The following SUPT20H variants were observed in gnomAD, a reference collection of about 807,000 sequenced individuals.
SUPT20H encodes SPT20 homolog, SAGA complex component.
SUPT20H carries 82 observed loss-of-function variants against 122.8 expected under a neutral mutation model. That is an observed-to-expected ratio of 0.67 (90% confidence interval 0.56 to 0.80). The LOEUF (loss-of-function observed/expected upper bound fraction) is 0.80, where lower values mean the gene tolerates loss of function less well. Among genes scored for constraint, SUPT20H ranks in the 30% least tolerant of loss-of-function variants. SUPT20H has a pLI of 0.00. For missense variants in SUPT20H, 831 were observed against 921.6 expected (o/e 0.90, Z 1.27); for synonymous variants, 291 against 313.0 (o/e 0.93, Z 0.74).
At chr13:37,032,646 G>C (rs1056886370) in intron 10 of SUPT20H, among the ~76,000 whole-genome samples, 2 of 152,098 alleles carry the variant, frequency 1.3e-5, no homozygotes, top group African/African-American at 4.8e-5. Flanking sequence ...AAACTCCAAG[G>C]GGACCTAGTC....
intron 5 of SUPT20H, 61 bp downstream of exon 5, chr13:37,047,474 T>G: frequency 7.3e-7 from 1 of 1,367,328 alleles, no homozygotes; most frequent in Non-Finnish European, 9.6e-7. Context: ...CAAATGTAAC[T>G]CCTCCAAATT....
intron 13 of SUPT20H, 21 bp from the exon 14 acceptor site, chr13:37,028,326 C>G (rs1286330643): frequency 6.3e-7 from 1 of 1,593,462 alleles, no homozygotes; most frequent in African/African-American, 1.4e-5. Context: ...CATAGCACCT[C>G]AAATAAATAC....
chr13:37,023,005 CA>C (rs2061634227), intron 19 of SUPT20H: 3 of 1,268,784 alleles, frequency 2.4e-6, no homozygotes, highest in Non-Finnish European at 2.0e-6. Flanking sequence ...AAAGTAAAAC[CA>C]AAAGCTCTTG....
At chr13:37,046,957 T>C (rs1174511246) in intron 5 of SUPT20H, 1 of 152,150 alleles carries the variant, frequency 6.6e-6, no homozygotes, top group African/African-American at 2.4e-5. Flanking sequence ...CAAAAGCTCA[T>C]AGAGACGTTT....
chr13:37,030,047 A>G, intron 12 of SUPT20H, among the ~76,000 whole-genome samples: 1 of 152,198 alleles, frequency 6.6e-6, no homozygotes, highest in East Asian at 1.9e-4. Context: ...ATAAAACCAA[A>G]CCAAATAAAT....
intron 23 of SUPT20H, among the ~76,000 whole-genome samples, chr13:37,014,367 C>T (rs1197027234): frequency 6.6e-6 from 1 of 151,982 alleles, no homozygotes; most frequent in African/African-American, 2.4e-5. Context: ...ATATAGAAGA[C>T]CTGAATGATG....
chr13:37,019,430 T>G (rs190876202), intron 21 of SUPT20H, 33 bp from the exon 22 acceptor site: 2 of 1,481,938 alleles, frequency 1.3e-6, no homozygotes, highest in Admixed American at 2.1e-5. Flanking sequence ...ATAACAGAAT[T>G]GAAAGTTTAT....
intron 11 of SUPT20H, 50 bp from the exon 12 acceptor site, chr13:37,031,673 A>C (rs768815967): frequency 1.3e-6 from 2 of 1,541,112 alleles, no homozygotes; most frequent in Non-Finnish European, 1.7e-6. Context: ...ATATAAATAT[A>C]CTGAAAATGC....
intron 23 of SUPT20H, among the ~76,000 whole-genome samples, chr13:37,014,507 G>A (rs1449050762): frequency 1.3e-5 from 2 of 152,068 alleles, no homozygotes; most frequent in East Asian, 3.9e-4. Context: ...AAACTTAAAA[G>A]AACCAAAAAT....
At position 37,010,622 on chromosome 13, in the gene SUPT20H, G is replaced by C; in HGVS notation, c.2132C>G (p.Pro711Arg). 2.5e-6 allele frequency: 4 copies of C among 1,613,852 alleles called. No homozygotes were observed. Among genetic ancestry groups the C allele is most frequent in the Non-Finnish European group, 3.4e-6 (4 of 1,179,884 alleles). The change falls in exon 25 of 26, where the codon CCT (proline) becomes CGT (arginine). Residue 711 changes from proline (P) to arginine (R), a missense_variant. Physicochemically the swap from Pro to Arg is moderately radical, Grantham distance 103 (BLOSUM62 -2). Transcript: ENST00000350612. Reference protein sequence around the residue: ...LSQLGSAENRPEQSLPQQRFQ... With the variant: ...LSQLGSAENRREQSLPQQRFQ... ...TCTCTGCTGAGGAAGGCTTTGCTCA[G>C]GTCTGTTCTCGGCAGAGCCAAGCTG...
chr13:37,048,698 T>C (rs2066995100), intron 2 of SUPT20H, 99 bp from the exon 3 acceptor site: 1 of 1,063,102 alleles, frequency 9.4e-7, no homozygotes, highest in Non-Finnish European at 1.3e-6. Flanking sequence ...ACAGGTCTAA[T>C]ATATTTTCCT....
chr13:37,017,190 C>CA, intron 23 of SUPT20H, 55 bp downstream of exon 23: 1 of 1,611,924 alleles, frequency 6.2e-7, no homozygotes, highest in Non-Finnish European at 8.5e-7. Flanking sequence ...TGGAATATAC[C>CA]AAAAAATGTT....
intron 9 of SUPT20H, among the ~76,000 whole-genome samples, chr13:37,036,886 CACATA>C (rs1566257529): frequency 6.6e-6 from 1 of 152,064 alleles, no homozygotes; most frequent in African/African-American, 2.4e-5. Flanking sequence ...GAGCACAATA[CACATA>C]ACATACAAAA....
Position 37,024,424 on chromosome 13 carries a change from C to T in SUPT20H, c.1348G>A (p.Val450Ile), listed in dbSNP as rs2061862269. 1.3e-6 allele frequency: 2 copies of T among 1,566,126 alleles called. No homozygotes were observed. Among genetic ancestry groups the T allele is most frequent in the Admixed American group, 2.0e-5 (1 of 50,594 alleles). ...KETDQTETVS[V>I]QSSVLGKGVK... is the part of the protein sequence containing the mutation. The stretch of plus-strand genomic sequence containing the variant: ...CCCTTCCCCAATACCGAAGACTGAA[C>T]TGACACGGTTTCAGTTTGCTAAAAG... The change falls in exon 18 of 26, where the codon GTT becomes ATT. Residue 450 changes from valine (V) to isoleucine (I), a missense_variant. Physicochemically the swap from Val to Ile is conservative, Grantham distance 29. Transcript: ENST00000350612.
At chr13:37,038,155 G>C (rs796586924) in intron 9 of SUPT20H, 55 of 151,892 alleles carry the variant, frequency 3.6e-4, no homozygotes, top group African/African-American at 1.3e-3. Flanking sequence ...CAGTGGGTTT[G>C]ATCAGATTTC....
At chr13:37,020,131 T>A (rs188119565) in intron 21 of SUPT20H, among the ~76,000 whole-genome samples, 1 of 152,300 alleles carries the variant, frequency 6.6e-6, no homozygotes, top group East Asian at 1.9e-4. Flanking sequence ...GGTCTCAAGG[T>A]ATGTATATAT....
intron 16 of SUPT20H, chr13:37,025,697 A>G: frequency 3.0e-6 from 1 of 338,170 alleles, no homozygotes; most frequent in South Asian, 3.5e-5. Flanking sequence ...CAGAAATTAC[A>G]GGGATTACTT....
chr13:37,044,182 C>T lies in SUPT20H; in HGVS notation c.293-1G>A. ...TAGGGCAGTCGAATGGTCTCGGAAT[C>T]TTAATTTAAAACATGAAGTTTGAAA... is the stretch of plus-strand genomic sequence containing the variant. On this transcript the variant is annotated splice_acceptor_variant, in intron 6 of 25. Transcript: ENST00000350612. LOFTEE classifies it high-confidence loss of function. 1 of 1,597,076 alleles carries T rather than the reference C, an allele frequency of 6.3e-7. No individual in the cohort carries two copies. The highest frequency in any genetic ancestry group is 8.5e-7 in the Non-Finnish European group (1 of 1,172,214).
chr13:37,022,028 A>G lies in SUPT20H; in HGVS notation c.1644T>C (p.Asn548=), dbSNP rs2061527923. The change falls in exon 20 of 26, where the codon AAT becomes AAC. Residue 548 remains asparagine, a synonymous_variant. Coordinates refer to ENST00000350612, the MANE Select transcript of SUPT20H (RefSeq NM_001014286.3). The surrounding 1 kb of genome is among the most constrained non-coding windows in gnomAD (Gnocchi z 4.5). ...MANSAGLNFI[N]VVGSVCGAQA... is the part of the protein sequence containing the mutation. ...AAACTTACCAAACAGAGCCCACTAC[A>G]TTGATGAAGTTAAGTCCAGCAGAGT... is the stretch of plus-strand genomic sequence containing the variant. The G allele has an allele frequency of 3.7e-6, 6 of 1,608,310 alleles. No individual in the cohort carries two copies. In the African/African-American group the frequency reaches 4.0e-5, roughly 11 times the overall value.
Sources: gnomAD v4.1 joint callset for allele counts (sites outside exome capture counted in the v4.1 genomes callset) on GRCh38, gnomAD v4.1.1 for gene constraint, Gnocchi (gnomAD v3.1) non-coding constraint, MANE v1.5 for transcripts, NCBI Gene and HGNC (gene_info 2026-07-23, HGNC 2026-07-21) for gene names.